TNFAIP8L3: variants seen among roughly 807,000 people sequenced by gnomAD.
The protein encoded by TNFAIP8L3 is tumor necrosis factor alpha-induced protein 8-like protein 3.
Under a neutral mutation model 11.8 loss-of-function variants are expected in TNFAIP8L3, and 7 were observed. The observed-to-expected ratio is 0.59, with a 90% CI of 0.34 to 1.11. The LOEUF (loss-of-function observed/expected upper bound fraction) is 1.11, where lower values mean the gene tolerates loss of function less well. Among genes scored for constraint, TNFAIP8L3 ranks in the 50% most tolerant of loss-of-function variants. The probability of loss-of-function intolerance (pLI) is 0.03; values close to 1 mark genes in which losing one functional copy is unlikely to be tolerated. For synonymous variants in TNFAIP8L3, 98 were observed against 103.8 expected (o/e 0.94, Z 0.34); for missense variants, 219 against 258.6 (o/e 0.85, Z 1.05).
At chr15:51,085,735 T>C (rs1325291890) in intron 1 of TNFAIP8L3, among the ~76,000 whole-genome samples, 3 of 151,952 alleles carry the variant, frequency 2.0e-5, no homozygotes, top group Non-Finnish European at 4.4e-5. Context: ...GTTTTTAGCA[T>C]CCCAGGTCAA....
intron 1 of TNFAIP8L3, among the ~76,000 whole-genome samples, chr15:51,061,202 T>C (rs2065240812): frequency 6.6e-6 from 1 of 152,226 alleles, no homozygotes; most frequent in African/African-American, 2.4e-5. Flanking sequence ...GGGGTCTCAC[T>C]ATGGTGGCCT....
intron 1 of TNFAIP8L3, among the ~76,000 whole-genome samples, chr15:51,102,806 T>A (rs891053664): frequency 2.0e-5 from 3 of 152,162 alleles, no homozygotes; most frequent in Non-Finnish European, 4.4e-5. Context: ...TACATCCAGT[T>A]TTCATTTGGT....
rs142699788 is a variant in TNFAIP8L3, at chr15:51,103,617, G to T, written c.172+1388C>A. On this transcript the variant is annotated intron_variant, in intron 1 of 2. Transcript: ENST00000327536. ...ACAGTGACCTCATTCAAGTGGACTG[G>T]TTCTCCTCTGAAACAGACACATTGA... 3.1e-4 allele frequency among the ~76,000 whole-genome samples: 47 copies of T among 152,282 alleles called. 1 individual carries two copies. The East Asian group carries it at 8.9e-3, about 29-fold the overall frequency.
In TNFAIP8L3 at chr15:51,094,777, G is replaced by GCCCCGCT. The variant is rs2065499841; in HGVS notation, c.-189_-183dup. ...GCTCCGCAGAGGCGAGCGCCGCCGCGCCCCGCTCCCCGCGCCCGCCGGCCG... is the reference window on the plus strand; with the variant it reads ...GCTCCGCAGAGGCGAGCGCCGCCGCGCCCCGCTCCCCGCTCCCCGCGCCCGCCGGCCG... On this transcript the variant is annotated 5_prime_UTR_variant, in exon 1 of 2. Coordinates refer to ENST00000637513, the MANE Select transcript of TNFAIP8L3 (RefSeq NM_001311175.2). The surrounding 1 kb of genome is among the most constrained non-coding windows in gnomAD (Gnocchi z 4.4). 1 of 867,238 alleles carries GCCCCGCT rather than the reference G, an allele frequency of 1.2e-6. No individual in the cohort carries two copies. The highest frequency in any genetic ancestry group is 6.4e-5 in the Admixed American group (1 of 15,694). The allele number at this position is 867,238 out of a possible 1,614,324, so 53.7% of individuals were successfully genotyped here.
intron 1 of TNFAIP8L3, among the ~76,000 whole-genome samples, chr15:51,075,895 T>C (rs931387628): frequency 3.3e-5 from 5 of 152,098 alleles, no homozygotes; most frequent in Admixed American, 6.5e-5. Context: ...TAACAACAAC[T>C]AGACAAACTG....
At chr15:51,102,895 C>T (rs1431216078) in intron 1 of TNFAIP8L3, among the ~76,000 whole-genome samples, 3 of 152,202 alleles carry the variant, frequency 2.0e-5, no homozygotes, top group Non-Finnish European at 4.4e-5. Flanking sequence ...CAGTGTTCTA[C>T]TAGACCATAT....
At chr15:51,099,666 TCTTACAAG>T (rs1388116780), upstream of TNFAIP8L3, among the ~76,000 whole-genome samples, 1 of 151,678 alleles carries the variant, frequency 6.6e-6, no homozygotes, top group Admixed American at 6.6e-5. Flanking sequence ...TGAGAGCTGT[TCTTACAAG>T]CATCTACACA....
intron 1 of TNFAIP8L3, among the ~76,000 whole-genome samples, chr15:51,063,873 C>A (rs72744356): frequency 6.6e-6 from 1 of 152,286 alleles, no homozygotes; most frequent in Non-Finnish European, 1.5e-5. Context: ...ACAGCTATGA[C>A]GTTAGGAAGT....
intron 1 of TNFAIP8L3, among the ~76,000 whole-genome samples, chr15:51,088,424 G>T (rs1459955698): frequency 1.3e-5 from 2 of 152,080 alleles, no homozygotes; most frequent in African/African-American, 4.8e-5. Flanking sequence ...ACCAATTACT[G>T]CTGGTGCTGC....
At chr15:51,066,265 C>T (rs887447674) in intron 1 of TNFAIP8L3, among the ~76,000 whole-genome samples, 1 of 151,444 alleles carries the variant, frequency 6.6e-6, no homozygotes, top group African/African-American at 2.4e-5. Context: ...TGGATTCAAG[C>T]GATTCTCCTG....
upstream of TNFAIP8L3, among the ~76,000 whole-genome samples, chr15:51,099,723 C>G (rs1422972063): frequency 1.3e-5 from 2 of 152,190 alleles, no homozygotes; most frequent in Non-Finnish European, 2.9e-5. Context: ...TTGAGCTCTG[C>G]CCAGTGCCTT....
intron 1 of TNFAIP8L3, among the ~76,000 whole-genome samples, chr15:51,087,170 C>G (rs1450297465): frequency 6.6e-6 from 1 of 152,176 alleles, no homozygotes; most frequent in Admixed American, 6.5e-5. Flanking sequence ...ACCCAGCTCA[C>G]AATTTCTTAA....
intron 1 of TNFAIP8L3, among the ~76,000 whole-genome samples, chr15:51,103,930 T>C (rs1184773361): frequency 1.3e-5 from 2 of 152,162 alleles, no homozygotes; most frequent in African/African-American, 4.8e-5. Flanking sequence ...GAATGAGAGT[T>C]ACTGGCAGGA....
rs991514491 is a variant in TNFAIP8L3 at position 51,057,372 on chromosome 15, A to G, written c.*509T>C. On this transcript the variant is annotated 3_prime_UTR_variant, in exon 2 of 2. Coordinates refer to ENST00000637513, the MANE Select transcript of TNFAIP8L3 (RefSeq NM_001311175.2). ...CTATGCTGCTTAATAGTCTACATCC[A>G]GGTTTATCCCCTCACACTCAGAAGA... is the stretch of plus-strand genomic sequence containing the variant. The G allele has an allele frequency of 6.5e-6, 1 of 153,650 alleles. No individual in the cohort carries two copies. Among genetic ancestry groups the G allele is most frequent in the Non-Finnish European group, 1.4e-5 (1 of 69,020 alleles). 9.5% of individuals were successfully genotyped at this position (153,650 alleles called of 1,614,324 possible).
intron 1 of TNFAIP8L3, among the ~76,000 whole-genome samples, chr15:51,074,921 T>C (rs898956939): frequency 7.9e-5 from 12 of 152,224 alleles, no homozygotes; most frequent in African/African-American, 2.9e-4. Context: ...GTGGTAGCCC[T>C]GTTCCTGTGC....
At chr15:51,103,177 G>A (rs1241823139) in intron 1 of TNFAIP8L3, among the ~76,000 whole-genome samples, 1 of 152,150 alleles carries the variant, frequency 6.6e-6, no homozygotes, top group African/African-American at 2.4e-5. Context: ...AATCTGCCTG[G>A]TTGAAGCTAT....
chr15:51,083,383 C>A (rs1162291827), intron 1 of TNFAIP8L3, among the ~76,000 whole-genome samples: 1 of 152,064 alleles, frequency 6.6e-6, no homozygotes, highest in Non-Finnish European at 1.5e-5. Flanking sequence ...GTTGTATCCC[C>A]CTCTAATTTA....
upstream of TNFAIP8L3, among the ~76,000 whole-genome samples, chr15:51,097,856 G>GT (rs950539047): frequency 2.6e-5 from 4 of 151,830 alleles, no homozygotes; most frequent in South Asian, 2.1e-4. Flanking sequence ...ATTTCTTGTG[G>GT]GGGGGGAAAA....
chr15:51,085,805 T>C (rs2065423336), intron 1 of TNFAIP8L3, among the ~76,000 whole-genome samples: 1 of 152,098 alleles, frequency 6.6e-6, no homozygotes, highest in African/African-American at 2.4e-5. Flanking sequence ...AATAAAGCTC[T>C]CACATCTTTT....
Sources: allele counts gnomAD v4.1 joint callset (sites outside exome capture counted in the v4.1 genomes callset), GRCh38; gene constraint gnomAD v4.1.1; non-coding constraint Gnocchi (gnomAD v3.1); transcripts MANE v1.5; gene names NCBI Gene and HGNC (gene_info 2026-07-23, HGNC 2026-07-21).